Variants in CD9 observed in about 807,000 individuals in gnomAD.
CD9 encodes the protein CD9 antigen.
Under a neutral mutation model 31.4 loss-of-function variants are expected in CD9, and 10 were observed. The observed-to-expected ratio is 0.32, with a 90% CI of 0.20 to 0.54. CD9 has a LOEUF of 0.54. Ranked by LOEUF, CD9 falls within the 20% of genes least tolerant of loss-of-function variation. The pLI, the probability that CD9 is intolerant of heterozygous loss-of-function variation, is 0.94. For synonymous variants in CD9, 113 were observed against 114.1 expected (o/e 0.99, Z 0.06); for missense variants, 259 against 300.1 (o/e 0.86, Z 1.01).
At chr12:6,201,962 T>C (rs1946083007) in intron 1 of CD9, among the ~76,000 whole-genome samples, 1 of 152,182 alleles carries the variant, frequency 6.6e-6, no homozygotes, top group African/African-American at 2.4e-5. Flanking sequence ...GGCATGAGCC[T>C]GGGAGGTCAA....
chr12:6,203,636 C>T (rs914512418), intron 1 of CD9, among the ~76,000 whole-genome samples: 6 of 152,316 alleles, frequency 3.9e-5, no homozygotes, highest in African/African-American at 7.2e-5. Context: ...CCTCCAGAAC[C>T]GGCCCTCCTA....
At chr12:6,237,012 CTT>C (rs1946531408) in intron 7 of CD9, among the ~76,000 whole-genome samples, 1 of 152,144 alleles carries the variant, frequency 6.6e-6, no homozygotes, top group Non-Finnish European at 1.5e-5. Context: ...AAGTTTCACT[CTT>C]GTCGCCCAGG....
At chr12:6,200,005 C>T (rs1001325203), upstream of CD9, 1 of 152,202 alleles carries the variant, frequency 6.6e-6, no homozygotes, top group Non-Finnish European at 1.5e-5. Context: ...GGAAGAGTCT[C>T]CCAAAGCAGA....
intron 1 of CD9, among the ~76,000 whole-genome samples, chr12:6,220,005 CAG>C (rs1320052473): frequency 6.6e-6 from 1 of 152,168 alleles, no homozygotes; most frequent in Non-Finnish European, 1.5e-5. Flanking sequence ...AAGAATGACT[CAG>C]AGGTCCCCTG....
chr12:6,227,204 TA>T (rs754801587), intron 2 of CD9, among the ~76,000 whole-genome samples: 1 of 150,612 alleles, frequency 6.6e-6, no homozygotes, highest in Admixed American at 6.6e-5. Context: ...TTATTTTTTT[TA>T]TTTTTTTTTT....
intron 1 of CD9, among the ~76,000 whole-genome samples, chr12:6,204,362 C>T (rs375401759): frequency 6.6e-6 from 1 of 152,148 alleles, no homozygotes; most frequent in Non-Finnish European, 1.5e-5. Flanking sequence ...AAACTACATT[C>T]GTGTCCCCTA....
At chr12:6,220,572 A>G (rs1177483596) in intron 1 of CD9, among the ~76,000 whole-genome samples, 2 of 152,190 alleles carry the variant, frequency 1.3e-5, no homozygotes, top group Non-Finnish European at 2.9e-5. Flanking sequence ...TTTTTAGGTT[A>G]GGGAGACCTG....
chr12:6,236,928 A>G (rs981033918), intron 7 of CD9, among the ~76,000 whole-genome samples: 4 of 152,046 alleles, frequency 2.6e-5, no homozygotes, highest in Non-Finnish European at 5.9e-5. Flanking sequence ...GCATCTTAAG[A>G]AAGGCATGAA....
Position 6,237,754 on chromosome 12 carries a change from A to G in CD9, c.622-9A>G. 2.5e-6 allele frequency: 4 copies of G among 1,608,414 alleles called. No individual in the cohort carries two copies. Among genetic ancestry groups the G allele is most frequent in the South Asian group, 1.1e-5 (1 of 90,890 alleles). ...CACCCTGATCCTCATGTTTCTTCCT[A>G]TCTCCTAGATATTTGGCATGATCTT... On this transcript the variant is annotated splice_polypyrimidine_tract_variant and intron_variant, in intron 7 of 7. Transcript: ENST00000009180.
intron 6 of CD9, chr12:6,235,907 A>C: frequency 7.3e-7 from 1 of 1,378,518 alleles, no homozygotes; most frequent in Non-Finnish European, 9.4e-7. Context: ...ACTCCAGAAT[A>C]GTAAAAGGTG....
intron 1 of CD9, among the ~76,000 whole-genome samples, chr12:6,220,293 A>G (rs1398842021): frequency 6.6e-6 from 1 of 152,204 alleles, no homozygotes; most frequent in Non-Finnish European, 1.5e-5. Flanking sequence ...AACTCGGGAA[A>G]CTTGGAGAGA....
chr12:6,231,330 G>T (rs920119643), intron 2 of CD9, among the ~76,000 whole-genome samples: 1 of 152,212 alleles, frequency 6.6e-6, no homozygotes, highest in African/African-American at 2.4e-5. Context: ...GGGCATTATT[G>T]CTACTCCTGT....
Position 6,235,263 on chromosome 12 carries a change from C to T in CD9, c.383C>T (p.Thr128Ile). Residue 128 changes from threonine (T) to isoleucine (I), a missense_variant, in exon 5 of 8, where the codon ACC (threonine) becomes ATC (isoleucine). Thr to Ile is a moderately conservative substitution (Grantham distance 89). Coordinates refer to ENST00000009180, the MANE Select transcript of CD9 (RefSeq NM_001769.4). Reference protein sequence around the residue: ...IKEVQEFYKDTYNKLKTKDEP... With the variant: ...IKEVQEFYKDIYNKLKTKDEP... ...GAAGTCCAGGAGTTTTACAAGGACACCTACAACAAGCTGAAAACCAAGGAT... is the reference window on the plus strand; with the variant it reads ...GAAGTCCAGGAGTTTTACAAGGACATCTACAACAAGCTGAAAACCAAGGAT... 5.0e-6 allele frequency: 8 copies of T among 1,612,402 alleles called. No homozygotes were observed. Among genetic ancestry groups the T allele is most frequent in the Non-Finnish European group, 6.8e-6 (8 of 1,178,452 alleles).
At chr12:6,221,374 T>C (rs1177468247) in intron 1 of CD9, among the ~76,000 whole-genome samples, 2 of 152,164 alleles carry the variant, frequency 1.3e-5, no homozygotes, top group African/African-American at 4.8e-5. Context: ...CTGGGCATAC[T>C]ACAGGTTGCC....
rs752683635 is a variant in CD9, at chr12:6,200,547, A to G, written c.48A>G (p.Gly16=). 3.5e-5 allele frequency: 56 copies of G among 1,609,438 alleles called. No individual in the cohort carries two copies. Among genetic ancestry groups the G allele is most frequent in the African/African-American group, 8.0e-5 (6 of 74,642 alleles). The change falls in exon 1 of 8, where the codon GGA becomes GGG. Residue 16 remains glycine, a synonymous_variant. Coordinates refer to ENST00000009180, the MANE Select transcript of CD9 (RefSeq NM_001769.4). ...GTKCIKYLLF[G]FNFIFWLAGI... is the part of the protein sequence containing the mutation. ...AGTGCATCAAATACCTGCTGTTCGG[A>G]TTTAACTTCATCTTCTGGGTGAGTG...
chr12:6,219,109 G>GCTCC (rs1946268649), intron 1 of CD9, among the ~76,000 whole-genome samples: 1 of 151,760 alleles, frequency 6.6e-6, no homozygotes, highest in African/African-American at 2.4e-5. Context: ...GGGTTCAAGT[G>GCTCC]ATTCTCCTGC....
At chr12:6,202,373 G>A (rs1007010796) in intron 1 of CD9, among the ~76,000 whole-genome samples, 1 of 152,116 alleles carries the variant, frequency 6.6e-6, no homozygotes, top group African/African-American at 2.4e-5. Flanking sequence ...ACCAATCCCT[G>A]GCAGCAGAAA....
chr12:6,204,804 T>G (rs145442786), intron 1 of CD9, among the ~76,000 whole-genome samples: 153 of 152,314 alleles, frequency 1.0e-3, no homozygotes, highest in African/African-American at 3.4e-3. Context: ...AGAGCAGTTC[T>G]CTAAGAAGTG....
intron 1 of CD9, among the ~76,000 whole-genome samples, chr12:6,201,376 C>G (rs1946075322): frequency 6.6e-6 from 1 of 152,244 alleles, no homozygotes; most frequent in Non-Finnish European, 1.5e-5. Context: ...GTGTGCATTT[C>G]CGGGAGAGAT....
Sources: gnomAD v4.1 joint callset for allele counts (sites outside exome capture counted in the v4.1 genomes callset) on GRCh38, gnomAD v4.1.1 for gene constraint, MANE v1.5 for transcripts, NCBI Gene and HGNC (gene_info 2026-07-23, HGNC 2026-07-21) for gene names.